Variants in MDN1 observed in about 807,000 individuals in gnomAD.
The protein encoded by MDN1 is midasin.
MDN1 carries 266 observed loss-of-function variants against 669.2 expected under a neutral mutation model. The ratio of observed to expected loss-of-function variants is 0.40; its 90% CI spans 0.36 to 0.44. The LOEUF is 0.44. MDN1 is among the 20% of genes least tolerant of loss of function. MDN1 has a pLI of 1.00. For synonymous variants in MDN1, 2,385 were observed against 2,457.1 expected, an observed-to-expected ratio of 0.97 and a Z score of 0.87; for missense variants, 5,940 against 6,754.0, an observed-to-expected ratio of 0.88 and a Z score of 4.22.
intron 15 of MDN1, among the ~76,000 whole-genome samples, chr6:89,768,914 T>TAC (rs1817945584): frequency 6.6e-6 from 1 of 152,012 alleles, no homozygotes; most frequent in Non-Finnish European, 1.5e-5. Context: ...CAGCTGCATG[T>TAC]AGTGGCTTGT....
At chr6:89,744,876 C>T (rs891499370) in intron 29 of MDN1, among the ~76,000 whole-genome samples, 25 of 151,934 alleles carry the variant, frequency 1.6e-4, no homozygotes, top group Non-Finnish European at 2.9e-4. Context: ...AGTGAGACCC[C>T]ATCTCCAAAA....
At chr6:89,786,656 C>T (rs1456619856) in intron 8 of MDN1, among the ~76,000 whole-genome samples, 1 of 151,834 alleles carries the variant, frequency 6.6e-6, no homozygotes, top group Non-Finnish European at 1.5e-5. Flanking sequence ...GGGCCGGGCA[C>T]GGTGGCTCAC....
At chr6:89,682,356 G>A (rs755978444) in intron 73 of MDN1, among the ~76,000 whole-genome samples, 36 of 152,178 alleles carry the variant, frequency 2.4e-4, no homozygotes, top group South Asian at 8.3e-4. Flanking sequence ...GGCCAAGTGC[G>A]ATGACTCATG....
chr6:89,668,082 C>G lies in MDN1; in HGVS notation c.14026G>C (p.Glu4676Gln). ...GEGATEFHDY[E>Q]GGGIGEGEGM... is the part of the protein sequence containing the mutation. ...TCGCCTTCTCCAATTCCACCTCCCT[C>G]ATAGTCATGGAACTCAGTTGCTCCC... Residue 4676 changes from glutamate to glutamine, a missense_variant, in exon 84 of 102, where the codon GAG (glutamate) becomes CAG (glutamine). This residue lies in a region of MDN1 where 2,280 missense variants were observed against 2,576.3 expected (regional missense o/e 0.88). Transcript: ENST00000369393. The G allele has an allele frequency of 6.2e-7, 1 of 1,614,140 alleles. No homozygotes were observed. The highest frequency in any genetic ancestry group is 8.5e-7 in the Non-Finnish European group (1 of 1,180,000).
Position 89,713,171 on chromosome 6 carries a change from G to T in MDN1, c.7195C>A (p.Gln2399Lys), listed in dbSNP as rs777877802. The change falls in exon 47 of 102, where the codon CAG becomes AAG. Residue 2399 changes from glutamine to lysine, a missense_variant. Gln to Lys is a moderately conservative substitution (Grantham distance 53). Coordinates refer to ENST00000369393, the MANE Select transcript of MDN1 (RefSeq NM_014611.3). Reference sequence around the variant, plus strand: ...ACCTTCCGGTTTGCTGGTGAATGCTGGGAACAGACATATACTTCCCAGCAT... The same window carrying T: ...ACCTTCCGGTTTGCTGGTGAATGCTTGGAACAGACATATACTTCCCAGCAT... Reference protein sequence around the residue: ...EACWEVYVCSQHSPANRKLVQ... With the variant: ...EACWEVYVCSKHSPANRKLVQ... 1.2e-6 allele frequency: 2 copies of T among 1,613,782 alleles called. No homozygotes were observed. Among genetic ancestry groups the T allele is most frequent in the Admixed American group, 1.7e-5 (1 of 59,908 alleles).
At chr6:89,746,743 T>C (rs1050400625) in intron 27 of MDN1, among the ~76,000 whole-genome samples, 1 of 152,238 alleles carries the variant, frequency 6.6e-6, no homozygotes, top group Non-Finnish European at 1.5e-5. Context: ...TTCTTACTTA[T>C]TAACTAGCCC....
intron 9 of MDN1, among the ~76,000 whole-genome samples, chr6:89,783,683 G>A (rs1818800337): frequency 1.3e-5 from 2 of 152,160 alleles, no homozygotes; most frequent in Non-Finnish European, 2.9e-5. Context: ...AAAACTTGCT[G>A]GTTTGAAGCT....
In MDN1 at chr6:89,653,114, CTGT is replaced by C. The variant is rs1562036253; in HGVS notation, c.15700_15702del (p.Thr5234del). 1 of 1,613,934 alleles carries C rather than the reference CTGT, an allele frequency of 6.2e-7. No homozygotes were observed. The highest frequency in any genetic ancestry group is 8.5e-7 in the Non-Finnish European group (1 of 1,179,982). On this transcript the variant is annotated inframe_deletion, in exon 94 of 102. Transcript: ENST00000369393. Reference sequence around the variant, plus strand: ...TCTGTTCTGGGGTCTTGGTCTTCCTCTGTTTTAACAGTTTGGATCTCCACTTCC... The same window carrying C: ...TCTGTTCTGGGGTCTTGGTCTTCCTCTTTAACAGTTTGGATCTCCACTTCC...
chr6:89,761,041 C>T (rs547948045), intron 17 of MDN1, among the ~76,000 whole-genome samples: 2 of 152,208 alleles, frequency 1.3e-5, no homozygotes, highest in South Asian at 2.1e-4. Flanking sequence ...TGGCATGCAC[C>T]TGTAGTCCCA....
chr6:89,696,795 G>A (rs1462863476), intron 59 of MDN1, among the ~76,000 whole-genome samples: 1 of 152,164 alleles, frequency 6.6e-6, no homozygotes, highest in African/African-American at 2.4e-5. Flanking sequence ...AGTAATGCAT[G>A]AGGAAAGCCC....
Position 89,657,877 on chromosome 6 carries a change from A to G in MDN1, c.15183+332T>C, listed in dbSNP as rs546468869. On this transcript the variant is annotated intron_variant, in intron 90 of 101. Coordinates refer to ENST00000369393, the MANE Select transcript of MDN1 (RefSeq NM_014611.3). Reference sequence around the variant, plus strand: ...CTTACATTGTGTTACAACTGCCTGCAGTATTCAGTACAGTAACATACTGTA... The same window carrying G: ...CTTACATTGTGTTACAACTGCCTGCGGTATTCAGTACAGTAACATACTGTA... 5.9e-5 allele frequency among the ~76,000 whole-genome samples: 9 copies of G among 152,348 alleles called. No homozygotes were observed. In the South Asian group the frequency reaches 1.9e-3, roughly 32 times the overall value.
chr6:89,817,184 T>C (rs1215288979), intron 1 of MDN1, among the ~76,000 whole-genome samples: 1 of 152,138 alleles, frequency 6.6e-6, no homozygotes, highest in African/African-American at 2.4e-5. Flanking sequence ...CTAAAATGTA[T>C]AAAACCAAGC....
In MDN1 at chr6:89,686,817, C is replaced by T. The variant is rs201936875; in HGVS notation, c.11572+85G>A. ...CATGAAAGCCATGTAGCGGGAGAAG[C>T]GGGAGCAGGAAAATCCTACACTTTG... On this transcript the variant is annotated intron_variant, in intron 69 of 101. Coordinates refer to ENST00000369393, the MANE Select transcript of MDN1 (RefSeq NM_014611.3). 1.6e-4 allele frequency: 249 copies of T among 1,527,872 alleles called. 1 individual carries two copies. Among genetic ancestry groups the T allele is most frequent in the East Asian group, 7.8e-4 (34 of 43,746 alleles). The allele number at this position is 1,527,872 out of a possible 1,614,324, so 94.6% of individuals were successfully genotyped here. A position where few individuals can be genotyped will look rare whatever the true frequency, so the allele number is the denominator to read the frequency against.
intron 49 of MDN1, among the ~76,000 whole-genome samples, chr6:89,711,593 C>G (rs1307769722): frequency 6.6e-6 from 1 of 151,938 alleles, no homozygotes; most frequent in Non-Finnish European, 1.5e-5. Flanking sequence ...CCCACAGATA[C>G]CAAGGGACAA....
Position 89,768,519 on chromosome 6 carries a change from G to A in MDN1, c.2144+3042C>T, listed in dbSNP as rs149674534. ...TCCAGTCTCAGGTATGTCTTTATCA[G>A]CAGTGTGAGAACAAATGAATACACT... On this transcript the variant is annotated intron_variant, in intron 15 of 101. Transcript: ENST00000369393. Among the ~76,000 whole-genome samples, 6 of 152,240 alleles carry A rather than the reference G, an allele frequency of 3.9e-5. No individual in the cohort carries two copies. In the East Asian group the frequency reaches 1.2e-3, roughly 29 times the overall value.
chr6:89,781,920 G>C (rs1159443656), intron 9 of MDN1, among the ~76,000 whole-genome samples: 1 of 152,164 alleles, frequency 6.6e-6, no homozygotes, highest in African/African-American at 2.4e-5. Context: ...GGGAGGTTAA[G>C]GCTGCAGTGA....
At chr6:89,731,064 G>A in intron 34 of MDN1, 141 bp from the exon 35 acceptor site, 1 of 660,830 alleles carries the variant, frequency 1.5e-6, no homozygotes. Flanking sequence ...AGTGTAAGCA[G>A]TCCTAAGAAA....
chr6:89,803,275 C>T, intron 2 of MDN1, 53 bp downstream of exon 2: 2 of 1,465,878 alleles, frequency 1.4e-6, no homozygotes, highest in East Asian at 2.3e-5. Context: ...TCCCAGGAGA[C>T]AGCAGGTTCT....
intron 1 of MDN1, among the ~76,000 whole-genome samples, chr6:89,809,993 TAAAAAAAAAA>T (rs61558155): frequency 1.1e-4 from 6 of 52,832 alleles, no homozygotes; most frequent in Admixed American, 9.2e-4. Context: ...TCCGTTTCAC[TAAAAAAAAAA>T]AAAAAAAAAA....
Sources: gnomAD v4.1 joint callset for allele counts (sites outside exome capture counted in the v4.1 genomes callset) on GRCh38, gnomAD v4.1.1 for gene constraint, gnomAD v4.1.1 regional missense constraint, MANE v1.5 for transcripts, NCBI Gene and HGNC (gene_info 2026-07-23, HGNC 2026-07-21) for gene names.